CFAP43: variants seen among roughly 807,000 people sequenced by gnomAD.
The protein encoded by CFAP43 is cilia- and flagella-associated protein 43.
A neutral mutation model predicts 218.9 loss-of-function variants in CFAP43; 155 were observed. That is an observed-to-expected ratio of 0.71 (90% CI 0.62 to 0.81). The LOEUF is 0.81. Ranked by LOEUF, CFAP43 falls within the 30% of genes least tolerant of loss-of-function variation. The pLI, the probability that CFAP43 is intolerant of heterozygous loss-of-function variation, is 0.00. For missense variants in CFAP43, 1,778 were observed against 1,954.3 expected, an observed-to-expected ratio of 0.91 and a Z score of 1.70; for synonymous variants, 645 against 681.3, an observed-to-expected ratio of 0.95 and a Z score of 0.83.
chr10:104,148,189 C>T (rs1166681822), intron 28 of CFAP43, among the ~76,000 whole-genome samples, 191 bp from the exon 29 acceptor site: 1 of 152,066 alleles, frequency 6.6e-6, no homozygotes, highest in East Asian at 1.9e-4. Context: ...TTCATAATTT[C>T]ATTGTAAGGT....
At chr10:104,214,517 G>T in intron 3 of CFAP43, 91 bp from the exon 4 acceptor site, 1 of 1,102,392 alleles carries the variant, frequency 9.1e-7, no homozygotes, top group Non-Finnish European at 1.2e-6. Context: ...CATAAATTGG[G>T]ATATAATTTA....
At chr10:104,130,826 ACT>A (rs1428416431) in intron 37 of CFAP43, among the ~76,000 whole-genome samples, 2 of 151,262 alleles carry the variant, frequency 1.3e-5, no homozygotes, top group East Asian at 1.9e-4. Context: ...GGCAAAACCT[ACT>A]CTCTACAAAA....
chr10:104,150,166 AT>A (rs2088181242), intron 28 of CFAP43, among the ~76,000 whole-genome samples: 1 of 152,104 alleles, frequency 6.6e-6, no homozygotes, highest in African/African-American at 2.4e-5. Context: ...GATACACCAT[AT>A]TTTACTCATC....
At chr10:104,186,955 G>T (rs1238864507) in intron 14 of CFAP43, among the ~76,000 whole-genome samples, 3 of 152,132 alleles carry the variant, frequency 2.0e-5, no homozygotes, top group Admixed American at 6.5e-5. Context: ...TGTAATTTTG[G>T]TTATGGCTTA....
At chr10:104,191,596 C>G (rs545307075) in intron 12 of CFAP43, among the ~76,000 whole-genome samples, 1 of 152,100 alleles carries the variant, frequency 6.6e-6, no homozygotes, top group South Asian at 2.1e-4. Context: ...TTTTCCTCCT[C>G]TACTAAATTG....
chr10:104,148,590 CCT>C (rs1275318484), intron 28 of CFAP43, among the ~76,000 whole-genome samples: 1 of 152,000 alleles, frequency 6.6e-6, no homozygotes, highest in African/African-American at 2.4e-5. Flanking sequence ...TATTAGTTCC[CCT>C]GAGTGCTGAT....
intron 28 of CFAP43, among the ~76,000 whole-genome samples, chr10:104,151,781 T>C (rs1451530220): frequency 2.6e-5 from 4 of 152,214 alleles, no homozygotes. Flanking sequence ...GTGGTTGCTT[T>C]TGGTATCTTC....
intron 3 of CFAP43, among the ~76,000 whole-genome samples, chr10:104,225,236 T>C (rs2091279104): frequency 6.6e-6 from 1 of 152,240 alleles, no homozygotes; most frequent in East Asian, 1.9e-4. Context: ...AGCATGTTAA[T>C]GAAAGAGAAT....
intron 18 of CFAP43, 49 bp from the exon 19 acceptor site, chr10:104,179,155 C>CAGAGAG (rs60561340): frequency 2.4e-5 from 26 of 1,066,776 alleles, no homozygotes; most frequent in African/African-American, 6.6e-5. Context: ...AAATATCAGA[C>CAGAGAG]AGAGAGAGAG....
At chr10:104,183,664 C>T (rs1186104240) in intron 16 of CFAP43, among the ~76,000 whole-genome samples, 1 of 152,186 alleles carries the variant, frequency 6.6e-6, no homozygotes, top group Non-Finnish European at 1.5e-5. Context: ...GCTGGGATTA[C>T]AGGCGTGAGC....
intron 19 of CFAP43, among the ~76,000 whole-genome samples, chr10:104,176,202 T>C (rs1035794940): frequency 1.3e-5 from 2 of 152,158 alleles, no homozygotes; most frequent in African/African-American, 2.4e-5. Context: ...AACAATCCTA[T>C]ATCCAGGGAT....
At chr10:104,168,973 C>T in intron 20 of CFAP43, 125 bp from the exon 21 acceptor site, 1 of 748,746 alleles carries the variant, frequency 1.3e-6, no homozygotes, top group Non-Finnish European at 2.2e-6. Flanking sequence ...TGTCTTTCTC[C>T]AACACTTTGA....
Position 104,131,447 on chromosome 10 carries a change from A to G in CFAP43, c.4715T>C (p.Leu1572Pro), listed in dbSNP as rs997470003. The G allele has an allele frequency of 1.9e-6, 3 of 1,613,346 alleles. No individual in the cohort carries two copies. In the African/African-American group the frequency reaches 4.0e-5, roughly 22 times the overall value. ...ATTGCTGAACTTTCCAAGTTTTTTGAGTAGTTTCTTGCAGTTTTCCACATT... is the reference window on the plus strand; with the variant it reads ...ATTGCTGAACTTTCCAAGTTTTTTGGGTAGTTTCTTGCAGTTTTCCACATT... ...KKNVENCKKLLKKLGKFSNQK... is the reference protein window; with the variant it reads ...KKNVENCKKLPKKLGKFSNQK... The change falls in exon 37 of 38, where the codon CTC becomes CCC. Residue 1572 changes from leucine to proline, a missense_variant. By Grantham distance (98) the Leu-to-Pro change is moderately conservative. This residue lies in a region of CFAP43 where 211 missense variants were observed against 230.6 expected (regional missense o/e 0.91). Coordinates refer to ENST00000357060, the MANE Select transcript of CFAP43 (RefSeq NM_025145.7).
At chr10:104,188,462 G>T in intron 12 of CFAP43, 52 bp from the exon 13 acceptor site, 1 of 1,589,472 alleles carries the variant, frequency 6.3e-7, no homozygotes, top group South Asian at 1.2e-5. Context: ...AAGTTTAAAT[G>T]ATCTTTTACC....
chr10:104,172,127 T>G (rs190673543), intron 20 of CFAP43, among the ~76,000 whole-genome samples: 1 of 152,310 alleles, frequency 6.6e-6, no homozygotes, highest in East Asian at 1.9e-4. Context: ...ATGAGGTGGC[T>G]GAGAAGACTT....
chr10:104,164,164 T>G lies in CFAP43; in HGVS notation c.3176A>C (p.Glu1059Ala). The stretch of plus-strand genomic sequence containing the variant: ...TTCAAATTCTGGTTGCCAGACTGCT[T>G]CTTCCAATTCCAGATCTAAAATAAT... ...REIILDLELE[E>A]AVWQPEFEDC... Residue 1059 changes from glutamate (E) to alanine (A), a missense_variant, in exon 24 of 38, where the codon GAA (glutamate) becomes GCA (alanine). Around this residue, in one of 3 missense-constraint regions of CFAP43, gnomAD observed 1,553 missense variants for 1,685.2 expected, o/e 0.92. Transcript: ENST00000357060. 6.2e-7 allele frequency: 1 copy of G among 1,614,238 alleles called. No homozygotes were observed. The highest frequency in any genetic ancestry group is 8.5e-7 in the Non-Finnish European group (1 of 1,180,042).
chr10:104,161,273 A>T, intron 26 of CFAP43, 111 bp from the exon 27 acceptor site: 1 of 1,200,412 alleles, frequency 8.3e-7, no homozygotes, highest in South Asian at 1.7e-5. Flanking sequence ...AGTCCTTCAC[A>T]TTGGCAAGGA....
chr10:104,151,595 G>A (rs1036887137), intron 28 of CFAP43, among the ~76,000 whole-genome samples: 3 of 151,672 alleles, frequency 2.0e-5, no homozygotes, highest in Non-Finnish European at 4.4e-5. Flanking sequence ...TAATGGGGTT[G>A]TTTTTTTTCT....
intron 3 of CFAP43, among the ~76,000 whole-genome samples, chr10:104,221,458 A>T (rs997934235): frequency 7.9e-5 from 12 of 152,214 alleles, no homozygotes; most frequent in African/African-American, 2.2e-4. Context: ...TCCTTATAAA[A>T]GAGAGCTAGC....
Sources: allele counts gnomAD v4.1 joint callset (sites outside exome capture counted in the v4.1 genomes callset), GRCh38; gene constraint gnomAD v4.1.1; regional missense constraint gnomAD v4.1.1; transcripts MANE v1.5; gene names NCBI Gene and HGNC (gene_info 2026-07-23, HGNC 2026-07-21).